SPEF2: variants seen among roughly 807,000 people sequenced by gnomAD.
SPEF2 encodes sperm flagellar and cilia associated 2.
In SPEF2, 187 loss-of-function variants were observed where a neutral mutation model predicts 224.6. The ratio of observed to expected loss-of-function variants is 0.83; its 90% CI spans 0.74 to 0.94. The LOEUF (loss-of-function observed/expected upper bound fraction) is 0.94. Among genes scored for constraint, SPEF2 ranks in the 40% least tolerant of loss-of-function variants. The probability of loss-of-function intolerance (pLI) is 0.00; values close to 1 mark genes in which losing one functional copy is unlikely to be tolerated. For synonymous variants in SPEF2, 715 were observed against 707.3 expected, an observed-to-expected ratio of 1.01 and a Z score of -0.17; for missense variants, 2,170 against 2,135.6, an observed-to-expected ratio of 1.02 and a Z score of -0.32.
intron 29 of SPEF2, among the ~76,000 whole-genome samples, chr5:35,776,732 G>A (rs1450948174): frequency 6.6e-6 from 1 of 152,160 alleles, no homozygotes; most frequent in Non-Finnish European, 1.5e-5. Flanking sequence ...AATAATCCTT[G>A]ATACTTTTCC....
intron 18 of SPEF2, among the ~76,000 whole-genome samples, chr5:35,708,569 A>ACACCACCACCATCACCACCACTAT (rs1554037869): frequency 1.1e-5 from 1 of 91,578 alleles, no homozygotes; most frequent in Non-Finnish European, 2.4e-5. Context: ...CACCACTACC[A>ACACCACCACCATCACCACCACTAT]CACCACCACC....
rs1331231355 is a variant in SPEF2, at chr5:35,744,600, C to CTTT, written c.3330+4334_3330+4335insTTT. Among the ~76,000 whole-genome samples the CTTT allele has an allele frequency of 8.5e-5, 13 of 152,226 alleles. No homozygotes were observed. In the East Asian group the frequency reaches 2.5e-3, roughly 29 times the overall value. Reference sequence around the variant, plus strand: ...AACTAGAATCAAGGTCTCCAGAGCCCTGCTTTTGTGCTTTTTCCTCTGCTG... The same window carrying CTTT: ...AACTAGAATCAAGGTCTCCAGAGCCCTTTTGCTTTTGTGCTTTTTCCTCTGCTG... On this transcript the variant is annotated intron_variant, in intron 23 of 36. Transcript: ENST00000356031.
intron 34 of SPEF2, among the ~76,000 whole-genome samples, chr5:35,804,959 T>C (rs895886707): frequency 6.6e-6 from 1 of 152,140 alleles, no homozygotes; most frequent in African/African-American, 2.4e-5. Context: ...CAGAAAGATG[T>C]TTTACATCAC....
At chr5:35,804,319 C>T (rs554288297) in intron 34 of SPEF2, among the ~76,000 whole-genome samples, 2 of 152,328 alleles carry the variant, frequency 1.3e-5, no homozygotes, top group Admixed American at 6.5e-5. Flanking sequence ...CTTGACAGCA[C>T]CACAGTCTGT....
intron 15 of SPEF2, 136 bp from the exon 16 acceptor site, chr5:35,700,359 CT>C: frequency 1.3e-6 from 1 of 785,536 alleles, no homozygotes; most frequent in East Asian, 2.6e-5. Context: ...TAAACCTAAT[CT>C]TTTAGCTATG....
chr5:35,624,049 C>T (rs1257957504), intron 1 of SPEF2, among the ~76,000 whole-genome samples: 3 of 152,234 alleles, frequency 2.0e-5, no homozygotes, highest in Non-Finnish European at 4.4e-5. Flanking sequence ...TCTCCAGAAC[C>T]TGTGCTCTCC....
intron 3 of SPEF2, 87 bp from the exon 4 acceptor site, chr5:35,644,268 T>C (rs1274627126): frequency 8.4e-7 from 1 of 1,195,252 alleles, no homozygotes; most frequent in Non-Finnish European, 1.1e-6. Context: ...AAGAATTTCA[T>C]TTTGAAGACA....
At chr5:35,661,275 T>TATAG (rs1554023017) in intron 8 of SPEF2, among the ~76,000 whole-genome samples, 998 of 46,426 alleles carry the variant, frequency 0.021, 27 homozygotes, top group African/African-American at 0.089. Flanking sequence ...TATATATATA[T>TATAG]ATATATATAT....
At chr5:35,701,833 G>T (rs912056570) in intron 16 of SPEF2, among the ~76,000 whole-genome samples, 8 of 152,030 alleles carry the variant, frequency 5.3e-5, no homozygotes, top group African/African-American at 7.2e-5. Context: ...AAAAATATTA[G>T]CCCAACATGG....
Position 35,793,283 on chromosome 5 carries a change from A to T in SPEF2, c.4679A>T (p.Lys1560Met). Residue 1560 changes from lysine (K) to methionine (M), a missense_variant, in exon 32 of 37, where the codon AAG (lysine) becomes ATG (methionine). By Grantham distance (95) the Lys-to-Met change is moderately conservative (BLOSUM62 -1). Transcript: ENST00000356031. ...GAGGAGCTCCTTGAGACCCTTCAGA[A>T]GTTCAAGGCTGTGGATAAGGAGCAG... ...LEEELLETLQ[K>M]FKAVDKEQLG... The T allele has an allele frequency of 6.2e-7, 1 of 1,614,142 alleles. No individual in the cohort carries two copies. Among genetic ancestry groups the T allele is most frequent in the South Asian group, 1.1e-5 (1 of 91,066 alleles).
intron 36 of SPEF2, among the ~76,000 whole-genome samples, chr5:35,810,079 T>C (rs1580815507): frequency 1.3e-5 from 2 of 152,184 alleles, no homozygotes; most frequent in African/African-American, 4.8e-5. Flanking sequence ...TTAAATATGA[T>C]GAACTTGCAA....
chr5:35,795,866 A>C lies in SPEF2; in HGVS notation c.4830+71A>C. ...ATTTTCTTTGTGTTTTCTTCCACTT[A>C]TGTAACTTGGCTGTGGACTGCACCC... On this transcript the variant is annotated intron_variant, in intron 33 of 36. Transcript: ENST00000356031. The C allele has an allele frequency of 6.6e-6, 9 of 1,365,642 alleles. 1 individual carries two copies. The South Asian group carries it at 1.1e-4, about 17-fold the overall frequency. The allele number at this position is 1,365,642 out of a possible 1,614,324, so 84.6% of individuals were successfully genotyped here.
intron 36 of SPEF2, chr5:35,808,013 G>A (rs1908369): frequency 0.13 from 157,952 of 1,209,512 alleles, 12,011 homozygotes; most frequent in African/African-American, 0.32. Flanking sequence ...TTGCTGAGTT[G>A]AAAATAAAAG....
intron 2 of SPEF2, chr5:35,632,945 A>T (rs947055103): frequency 6.6e-6 from 1 of 152,202 alleles, no homozygotes; most frequent in Non-Finnish European, 1.5e-5. Context: ...TTTAAACTTA[A>T]TGAAATTTTT....
At chr5:35,723,022 AC>A (rs759314890) in intron 20 of SPEF2, among the ~76,000 whole-genome samples, 2 of 152,046 alleles carry the variant, frequency 1.3e-5, no homozygotes, top group Non-Finnish European at 2.9e-5. Context: ...TTGGGTTAAA[AC>A]GGAAAAAAGA....
intron 28 of SPEF2, among the ~76,000 whole-genome samples, chr5:35,775,287 A>G (rs950967982): frequency 1.1e-4 from 17 of 152,068 alleles, no homozygotes; most frequent in African/African-American, 4.1e-4. Context: ...GGTGGTGGGC[A>G]TATTGGGCAA....
chr5:35,789,770 T>A, intron 30 of SPEF2: 1 of 701,754 alleles, frequency 1.4e-6, no homozygotes, highest in Non-Finnish European at 2.6e-6. Flanking sequence ...TTCTTTTATA[T>A]ATGTGACTAT....
chr5:35,697,864 A>G (rs972553985), intron 15 of SPEF2, 71 bp downstream of exon 15: 48 of 1,143,554 alleles, frequency 4.2e-5, no homozygotes, highest in South Asian at 1.8e-4. Flanking sequence ...TATAAAGAAT[A>G]ATACGGATTT....
At chr5:35,656,508 T>C (rs1404245928) in intron 7 of SPEF2, among the ~76,000 whole-genome samples, 1 of 152,224 alleles carries the variant, frequency 6.6e-6, no homozygotes, top group Non-Finnish European at 1.5e-5. Context: ...GTTGAAAAGT[T>C]AGTTTTAAAA....
Sources: gnomAD v4.1 joint callset for allele counts (sites outside exome capture counted in the v4.1 genomes callset) on GRCh38, gnomAD v4.1.1 for gene constraint, MANE v1.5 for transcripts, NCBI Gene and HGNC (gene_info 2026-07-23, HGNC 2026-07-21) for gene names.